The following MMP16 variants were observed in gnomAD, a reference collection of about 807,000 sequenced individuals.
MMP16 encodes matrix metalloproteinase-16.
Under a neutral mutation model 67.8 loss-of-function variants are expected in MMP16, and 12 were observed. The ratio of observed to expected loss-of-function variants is 0.18; its 90% confidence interval spans 0.11 to 0.29. The LOEUF is 0.29. MMP16 is among the 10% of genes least tolerant of loss of function. The probability of loss-of-function intolerance (pLI) is 1.00; values close to 1 mark genes in which losing one functional copy is unlikely to be tolerated. For synonymous variants in MMP16, 249 were observed against 255.9 expected (o/e 0.97, Z 0.26); for missense variants, 475 against 765.7 (o/e 0.62, Z 4.48).
At chr8:88,070,197 G>A (rs534183851) in intron 7 of MMP16, among the ~76,000 whole-genome samples, 1 of 152,186 alleles carries the variant, frequency 6.6e-6, no homozygotes, top group South Asian at 2.1e-4. Flanking sequence ...AAGATACTGT[G>A]AATTTTACCT....
At chr8:88,256,776 C>T (rs1810309360) in intron 1 of MMP16, among the ~76,000 whole-genome samples, 1 of 152,086 alleles carries the variant, frequency 6.6e-6, no homozygotes, top group African/African-American at 2.4e-5. Flanking sequence ...TTATAACCCT[C>T]CTAGCAGCAA....
At chr8:88,097,385 G>A (rs1033371247) in intron 6 of MMP16, among the ~76,000 whole-genome samples, 5 of 151,802 alleles carry the variant, frequency 3.3e-5, no homozygotes, top group African/African-American at 1.2e-4. Flanking sequence ...ACTAACTTTG[G>A]GAGGCTGAGG....
chr8:88,163,121 G>A (rs1032997522), intron 4 of MMP16, among the ~76,000 whole-genome samples: 2 of 152,040 alleles, frequency 1.3e-5, no homozygotes, highest in African/African-American at 2.4e-5. Flanking sequence ...CCTGCTGAAG[G>A]CTTAGGTTTA....
intron 6 of MMP16, among the ~76,000 whole-genome samples, chr8:88,086,227 A>C (rs1307195234): frequency 1.3e-5 from 2 of 151,798 alleles, no homozygotes; most frequent in East Asian, 3.9e-4. Context: ...GGGTATGATG[A>C]AGAAAAGAAC....
chr8:88,144,264 C>T (rs1188376232), intron 4 of MMP16, among the ~76,000 whole-genome samples: 1 of 151,778 alleles, frequency 6.6e-6, no homozygotes, highest in Non-Finnish European at 1.5e-5. Flanking sequence ...ATATTCTATC[C>T]AACAGACATT....
chr8:88,245,293 T>C (rs1810096452), intron 1 of MMP16, among the ~76,000 whole-genome samples: 1 of 152,182 alleles, frequency 6.6e-6, no homozygotes. Context: ...AGGCTGTTCC[T>C]CACTATAAAT....
intron 1 of MMP16, among the ~76,000 whole-genome samples, chr8:88,230,454 T>A (rs1229069510): frequency 1.3e-5 from 2 of 151,916 alleles, no homozygotes; most frequent in Non-Finnish European, 2.9e-5. Flanking sequence ...TGTTTAGGCA[T>A]CACCAACTAA....
At chr8:88,101,435 T>C (rs1208867759) in intron 6 of MMP16, among the ~76,000 whole-genome samples, 4 of 151,906 alleles carry the variant, frequency 2.6e-5, no homozygotes, top group African/African-American at 4.8e-5. Context: ...GAAAAGGCTA[T>C]CTCTATTCAA....
At chr8:88,270,441 C>T (rs1020259432) in intron 1 of MMP16, among the ~76,000 whole-genome samples, 18 of 152,058 alleles carry the variant, frequency 1.2e-4, no homozygotes, top group Non-Finnish European at 2.5e-4. Flanking sequence ...TAGTATCTGA[C>T]ATATAATTAG....
chr8:88,160,886 T>C (rs562357002), intron 4 of MMP16, among the ~76,000 whole-genome samples: 2 of 152,106 alleles, frequency 1.3e-5, no homozygotes, highest in Non-Finnish European at 2.9e-5. Context: ...CTCGCATCCC[T>C]GGGATGAAGC....
intron 1 of MMP16, among the ~76,000 whole-genome samples, chr8:88,225,888 A>C (rs919774873): frequency 6.6e-6 from 1 of 151,848 alleles, no homozygotes; most frequent in Admixed American, 6.6e-5. Context: ...TATTTCTTAG[A>C]TTATTAGGAA....
At chr8:88,156,753 A>C (rs776776842) in intron 4 of MMP16, among the ~76,000 whole-genome samples, 2 of 152,082 alleles carry the variant, frequency 1.3e-5, no homozygotes, top group African/African-American at 4.8e-5. Flanking sequence ...TAAAGGGATG[A>C]AATTTGAAAC....
At chr8:88,307,696 T>TA (rs1202159295) in intron 1 of MMP16, among the ~76,000 whole-genome samples, 1 of 151,976 alleles carries the variant, frequency 6.6e-6, no homozygotes, top group Non-Finnish European at 1.5e-5. Flanking sequence ...AATTACTTAA[T>TA]ACTGCTCTGG....
intron 1 of MMP16, among the ~76,000 whole-genome samples, chr8:88,241,482 T>C (rs1810033366): frequency 6.6e-6 from 1 of 152,124 alleles, no homozygotes. Flanking sequence ...TGAGATTATT[T>C]AGGTAGAGAG....
At chr8:88,201,588 A>G (rs938047102) in intron 1 of MMP16, among the ~76,000 whole-genome samples, 1 of 152,142 alleles carries the variant, frequency 6.6e-6, no homozygotes, top group African/African-American at 2.4e-5. Context: ...AAATTTTAAC[A>G]TACTAACAAA....
At chr8:88,159,599 T>G (rs1449279803) in intron 4 of MMP16, among the ~76,000 whole-genome samples, 1 of 152,192 alleles carries the variant, frequency 6.6e-6, no homozygotes, top group Non-Finnish European at 1.5e-5. Flanking sequence ...TGACTTCCTC[T>G]TTTCCTAATT....
chr8:88,136,330 T>C (rs1586169539), intron 4 of MMP16, among the ~76,000 whole-genome samples: 2 of 151,950 alleles, frequency 1.3e-5, no homozygotes, highest in African/African-American at 4.8e-5. Flanking sequence ...GTCTGCCATA[T>C]TGTGTGGGTT....
intron 4 of MMP16, among the ~76,000 whole-genome samples, chr8:88,145,216 T>C (rs971646790): frequency 2.6e-5 from 4 of 151,972 alleles, no homozygotes; most frequent in African/African-American, 9.7e-5. Context: ...ACACCTAGGC[T>C]ATATGGTATA....
At chr8:88,065,334 G>GAAATA (rs1808451029) in intron 7 of MMP16, among the ~76,000 whole-genome samples, 1 of 151,994 alleles carries the variant, frequency 6.6e-6, no homozygotes, top group African/African-American at 2.4e-5. Context: ...GGAAAATATT[G>GAAATA]CAGCTTTAAA....
Sources: gnomAD v4.1 joint callset for allele counts (sites outside exome capture counted in the v4.1 genomes callset) on GRCh38, gnomAD v4.1.1 for gene constraint, MANE v1.5 for transcripts, NCBI Gene and HGNC (gene_info 2026-07-23, HGNC 2026-07-21) for gene names.